Variants in GSTM5 observed in about 807,000 individuals in gnomAD.
GSTM5 encodes glutathione S-transferase mu 5.
A neutral mutation model predicts 29.0 loss-of-function variants in GSTM5; 24 were observed. The observed-to-expected ratio is 0.83, with a 90% CI of 0.60 to 1.16. GSTM5 has a LOEUF of 1.16. GSTM5 is among the 50% of genes most tolerant of loss of function. GSTM5 has a pLI of 0.00. For missense variants in GSTM5, 290 were observed against 263.0 expected, an observed-to-expected ratio of 1.10 and a Z score of -0.71; for synonymous variants, 91 against 93.6, an observed-to-expected ratio of 0.97 and a Z score of 0.16.
chr1:109,711,979 A>G (rs1648523900), upstream of GSTM5, among the ~76,000 whole-genome samples: 1 of 151,686 alleles, frequency 6.6e-6, no homozygotes, highest in Admixed American at 6.6e-5. Context: ...TGGTGTCTCA[A>G]GCGCACAGCC....
At chr1:109,712,821 G>C (rs1221421451) in intron 2 of GSTM5, 128 bp downstream of exon 2, 2 of 1,112,022 alleles carry the variant, frequency 1.8e-6, no homozygotes, top group African/African-American at 3.1e-5. Context: ...CCTTCCCTGA[G>C]CTCCCGTGAG....
At chr1:109,712,597 G>C (rs1244456154) in intron 1 of GSTM5, 21 bp from the exon 2 acceptor site, 23 of 1,613,540 alleles carry the variant, frequency 1.4e-5, no homozygotes, top group Non-Finnish European at 1.9e-5. Flanking sequence ...TCTGACCCGA[G>C]CCGCGGGCCA....
chr1:109,713,384 A>G (rs1484059786), intron 3 of GSTM5, 100 bp from the exon 4 acceptor site: 3 of 1,513,016 alleles, frequency 2.0e-6, no homozygotes, highest in Non-Finnish European at 1.8e-6. Flanking sequence ...CAGGCCTGCC[A>G]TGAGCAGGCC....
chr1:109,715,729 A>T, intron 7 of GSTM5: 1 of 428,830 alleles, frequency 2.3e-6, no homozygotes, highest in Middle Eastern at 7.0e-4. Flanking sequence ...ACCTGCAGGC[A>T]GTATTCATAG....
chr1:109,715,503 G>C, intron 7 of GSTM5: 1 of 1,473,392 alleles, frequency 6.8e-7, no homozygotes, highest in Non-Finnish European at 9.0e-7. Context: ...CAGGGTCCCA[G>C]AGCCAGTGGA....
intron 7 of GSTM5, chr1:109,715,448 T>C (rs2101320931): frequency 6.5e-7 from 1 of 1,530,686 alleles, no homozygotes; most frequent in East Asian, 2.5e-5. Flanking sequence ...ATCTTGCCCA[T>C]TTTAGAGATA....
At position 109,717,682 on chromosome 1, in the gene GSTM5, C is replaced by A. The variant is rs1406719692; in HGVS notation, c.*256C>A. 2.3e-6 allele frequency: 1 copy of A among 434,518 alleles called. No individual in the cohort carries two copies. The highest frequency in any genetic ancestry group is 4.3e-6 in the Non-Finnish European group (1 of 233,988). 26.9% of individuals were successfully genotyped at this position (434,518 alleles called of 1,614,324 possible). On this transcript the variant is annotated 3_prime_UTR_variant, in exon 8 of 8. Coordinates refer to ENST00000256593, the MANE Select transcript of GSTM5 (RefSeq NM_000851.4). ...TTCCTTTCCCTGCACTAACGCCAAC[C>A]TGACTGCTTTTCCTGTCAGTGCTTT...
intron 1 of GSTM5, 55 bp downstream of exon 1, chr1:109,712,403 A>T: frequency 6.5e-7 from 1 of 1,529,192 alleles, no homozygotes; most frequent in East Asian, 2.5e-5. Flanking sequence ...GGATGTGTGG[A>T]GTAGCTGCAG....
At chr1:109,716,368 G>T in intron 7 of GSTM5, 1 of 160,814 alleles carries the variant, frequency 6.2e-6, no homozygotes, top group Non-Finnish European at 1.3e-5. Context: ...TGGGAGGGGA[G>T]CGGTGGGGAA....
chr1:109,713,457 A>C (rs1456861161), intron 3 of GSTM5, 27 bp from the exon 4 acceptor site: 1 of 1,614,100 alleles, frequency 6.2e-7, no homozygotes, highest in East Asian at 2.2e-5. Flanking sequence ...GGCCCAACTG[A>C]GCTTCCCCGG....
intron 5 of GSTM5, 31 bp downstream of exon 5, chr1:109,713,792 A>T: frequency 6.3e-7 from 1 of 1,591,596 alleles, no homozygotes; most frequent in Non-Finnish European, 8.6e-7. Flanking sequence ...CCAGTCACCC[A>T]TTTCCCTGCC....
chr1:109,713,512 A>T lies in GSTM5; in HGVS notation c.206A>T (p.Lys69Met), dbSNP rs745938007. Reference protein sequence around the residue: ...NLPYLIDGAHKITQSNAILRY... With the variant: ...NLPYLIDGAHMITQSNAILRY... ...CCCTACTTGATTGATGGGGCTCACAAGATCACCCAGAGCAATGCCATCCTG... is the reference window on the plus strand; with the variant it reads ...CCCTACTTGATTGATGGGGCTCACATGATCACCCAGAGCAATGCCATCCTG... Residue 69 changes from lysine to methionine, a missense_variant, in exon 4 of 8, where the codon AAG becomes ATG. Lys to Met is a moderately conservative substitution (Grantham distance 95). Coordinates refer to ENST00000256593, the MANE Select transcript of GSTM5 (RefSeq NM_000851.4). The T allele has an allele frequency of 2.6e-5, 42 of 1,614,104 alleles. No homozygotes were observed. The highest frequency in any genetic ancestry group is 3.2e-5 in the Non-Finnish European group (38 of 1,180,060).
At chr1:109,714,069 G>A (rs1349001765) in intron 5 of GSTM5, 2 of 250,528 alleles carry the variant, frequency 8.0e-6, no homozygotes, top group Non-Finnish European at 1.6e-5. Flanking sequence ...TTGCATTCCT[G>A]CACGCACTGG....
chr1:109,718,094 C>T lies in GSTM5; in HGVS notation c.*668C>T, dbSNP rs946897659. ...GTGCCAAGTTCCTCACTCATTCGCG[C>T]TCCTGTAGGCCGTCTAGAACTGGCA... On this transcript the variant is annotated 3_prime_UTR_variant, in exon 8 of 8. Transcript: ENST00000256593. 1 of 152,342 alleles carries T rather than the reference C, an allele frequency of 6.6e-6. No homozygotes were observed. The highest frequency in any genetic ancestry group is 2.4e-5 in the African/African-American group (1 of 41,428). 9.4% of individuals were successfully genotyped at this position (152,342 alleles called of 1,614,324 possible). A position where few individuals can be genotyped will look rare whatever the true frequency, so the allele number is the denominator to read the frequency against.
chr1:109,715,694 C>T, intron 7 of GSTM5: 1 of 488,244 alleles, frequency 2.0e-6, no homozygotes, highest in Non-Finnish European at 3.6e-6. Context: ...GACTGACACA[C>T]AGTGGCATTG....
rs770626687 is a variant in GSTM5 at position 109,717,461 on chromosome 1, C to T, written c.*35C>T. On this transcript the variant is annotated 3_prime_UTR_variant, in exon 8 of 8. Coordinates refer to ENST00000256593, the MANE Select transcript of GSTM5 (RefSeq NM_000851.4). Reference sequence around the variant, plus strand: ...ATGCCAGAAGATGGGAGGGAGGAGCCAACCTTGCTGCCTGCGACCCTGGAG... The same window carrying T: ...ATGCCAGAAGATGGGAGGGAGGAGCTAACCTTGCTGCCTGCGACCCTGGAG... The T allele has an allele frequency of 2.8e-5, 42 of 1,475,746 alleles. No homozygotes were observed. The highest frequency in any genetic ancestry group is 3.8e-6 in the Non-Finnish European group (4 of 1,054,038). 91.4% of individuals were successfully genotyped at this position (1,475,746 alleles called of 1,614,324 possible).
At chr1:109,712,421 T>C (rs1478621407) in intron 1 of GSTM5, 73 bp downstream of exon 1, 2 of 1,540,354 alleles carry the variant, frequency 1.3e-6, no homozygotes, top group African/African-American at 2.7e-5. Flanking sequence ...CAGGACTGGC[T>C]CTAGGGACCG....
chr1:109,715,877 C>A, intron 7 of GSTM5: 1 of 556,942 alleles, frequency 1.8e-6, no homozygotes, highest in Non-Finnish European at 3.2e-6. Context: ...TGTGCTGGGG[C>A]ACTCTCCTTC....
In GSTM5 at chr1:109,713,544, A is replaced by G. The variant is rs1268298320; in HGVS notation, c.238A>G (p.Ile80Val). 1.2e-6 allele frequency: 2 copies of G among 1,613,982 alleles called. No individual in the cohort carries two copies. Among genetic ancestry groups the G allele is most frequent in the Non-Finnish European group, 1.7e-6 (2 of 1,180,030 alleles). ...ITQSNAILRYIARKHNLCGET... is the reference protein window; with the variant it reads ...ITQSNAILRYVARKHNLCGET... ...CCAGAGCAATGCCATCCTGCGCTAC[A>G]TTGCCCGCAAGCACAACCTGTGTGA... The change falls in exon 4 of 8, where the codon ATT becomes GTT. Residue 80 changes from isoleucine to valine, a missense_variant. Ile to Val is a conservative substitution (Grantham distance 29). Coordinates refer to ENST00000256593, the MANE Select transcript of GSTM5 (RefSeq NM_000851.4).
Sources: gnomAD v4.1 joint callset for allele counts (sites outside exome capture counted in the v4.1 genomes callset) on GRCh38, gnomAD v4.1.1 for gene constraint, MANE v1.5 for transcripts, NCBI Gene and HGNC (gene_info 2026-07-23, HGNC 2026-07-21) for gene names.